AZU1: variants seen among roughly 807,000 people sequenced by gnomAD.
AZU1 encodes azurocidin 1.
A neutral mutation model predicts 17.8 loss-of-function variants in AZU1; 21 were observed. The ratio of observed to expected loss-of-function variants is 1.18; its 90% CI spans 0.84 to 1.70. The LOEUF is 1.70. AZU1 is among the 40% of genes most tolerant of loss of function. The probability of loss-of-function intolerance (pLI) is 0.00; values close to 1 mark genes in which losing one functional copy is unlikely to be tolerated. For missense variants in AZU1, 379 were observed against 362.9 expected, an observed-to-expected ratio of 1.04 and a Z score of -0.36; for synonymous variants, 178 against 155.2, an observed-to-expected ratio of 1.15 and a Z score of -1.09.
chr19:828,802 A>G (rs1362705606), intron 2 of AZU1, among the ~76,000 whole-genome samples: 98 of 114,352 alleles, frequency 8.6e-4, no homozygotes, highest in Middle Eastern at 5.8e-3. Context: ...GGAGGCCCAG[A>G]GAAGGGAAGG....
At chr19:829,494 G>A in intron 2 of AZU1, 68 bp from the exon 3 acceptor site, 1 of 1,554,992 alleles carries the variant, frequency 6.4e-7, no homozygotes, top group South Asian at 1.1e-5. Context: ...TAATTTGCAA[G>A]CCGGCTTGCT....
At position 829,553 on chromosome 19, in the gene AZU1, T is replaced by C. The variant is rs763132909; in HGVS notation, c.216-9T>C. The C allele has an allele frequency of 3.7e-6, 6 of 1,611,830 alleles. No homozygotes were observed. Among genetic ancestry groups the C allele is most frequent in the African/African-American group, 2.7e-5 (2 of 74,890 alleles). ...GTCCTCCCTCTGCCCTTTCCTCCGCTACTCTCAGGAACCCCGGGGTTAGCA... is the reference window on the plus strand; with the variant it reads ...GTCCTCCCTCTGCCCTTTCCTCCGCCACTCTCAGGAACCCCGGGGTTAGCA... On this transcript the variant is annotated splice_polypyrimidine_tract_variant and intron_variant, in intron 2 of 4. Transcript: ENST00000233997.
Position 830,311 on chromosome 19 carries a change from C to T in AZU1, c.361-397C>T, listed in dbSNP as rs1020418810. 3.3e-5 allele frequency among the ~76,000 whole-genome samples: 5 copies of T among 152,258 alleles called. 1 individual carries two copies. The highest frequency in any genetic ancestry group is 2.6e-4 in the Admixed American group (4 of 15,292). On this transcript the variant is annotated intron_variant, in intron 3 of 4. Coordinates refer to ENST00000233997, the MANE Select transcript of AZU1 (RefSeq NM_001700.5). Reference sequence around the variant, plus strand: ...CAACACATACAGATGTACCACGGTTCGCGTATGGAGCCTCCTGTTGGTGGA... The same window carrying T: ...CAACACATACAGATGTACCACGGTTTGCGTATGGAGCCTCCTGTTGGTGGA...
rs1333414929 is a variant in AZU1, at chr19:830,726, C to A, written c.379C>A (p.Leu127Ile). ...TCCCCAGCTGGACCGTGAGGCCAAC[C>A]TCACCAGCAGCGTGACGATACTGCC... ...MLLQLDREAN[L>I]TSSVTILPLP... Residue 127 changes from leucine to isoleucine, a missense_variant, in exon 4 of 5, where the codon CTC (leucine) becomes ATC (isoleucine). Physicochemically the swap from Leu to Ile is conservative, Grantham distance 5 (BLOSUM62 2). Coordinates refer to ENST00000233997, the MANE Select transcript of AZU1 (RefSeq NM_001700.5). The A allele has an allele frequency of 6.3e-7, 1 of 1,578,544 alleles. No homozygotes were observed. The highest frequency in any genetic ancestry group is 8.6e-7 in the Non-Finnish European group (1 of 1,166,242).
intron 2 of AZU1, among the ~76,000 whole-genome samples, chr19:828,722 A>G (rs1366850695): frequency 4.8e-5 from 4 of 83,804 alleles, no homozygotes; most frequent in African/African-American, 9.6e-5. Flanking sequence ...GCTCAGATGG[A>G]GGAGGGGGCC....
chr19:829,936 A>ATGTGTGAGTGTGTG (rs2035266613), intron 3 of AZU1, among the ~76,000 whole-genome samples: 1 of 137,766 alleles, frequency 7.3e-6, no homozygotes, highest in Non-Finnish European at 1.5e-5. Flanking sequence ...AAAAATATAT[A>ATGTGTGAGTGTGTG]TGTGTGTGTG....
intron 3 of AZU1, among the ~76,000 whole-genome samples, chr19:829,997 C>T (rs2035268401): frequency 6.7e-6 from 1 of 149,494 alleles, no homozygotes; most frequent in South Asian, 2.1e-4. Context: ...TGAGGTGGCT[C>T]ATGCCTGTAA....
chr19:831,363 C>T (rs1453460630), intron 4 of AZU1: 9 of 339,362 alleles, frequency 2.7e-5, no homozygotes, highest in Non-Finnish European at 4.3e-5. Context: ...CAGGCATGAG[C>T]CACCGTGCCT....
At chr19:830,403 TTTTC>T (rs2035273066) in intron 3 of AZU1, among the ~76,000 whole-genome samples, 1 of 152,206 alleles carries the variant, frequency 6.6e-6, no homozygotes, top group Non-Finnish European at 1.5e-5. Flanking sequence ...TGTTTGGTTT[TTTTC>T]TTTGAGAAAA....
chr19:830,772 C>G lies in AZU1; in HGVS notation c.425C>G (p.Thr142Arg), dbSNP rs147872987. The change falls in exon 4 of 5, where the codon ACG becomes AGG. Residue 142 changes from threonine to arginine, a missense_variant. Physicochemically the swap from Thr to Arg is moderately conservative, Grantham distance 71. Coordinates refer to ENST00000233997, the MANE Select transcript of AZU1 (RefSeq NM_001700.5). ...TILPLPLQNA[T>R]VEAGTRCQVA... ...CTGCCACTGCCTCTGCAGAACGCCA[C>G]GGTGGAAGCCGGCACCAGATGCCAG... 6.2e-7 allele frequency: 1 copy of G among 1,604,236 alleles called. No homozygotes were observed. Among genetic ancestry groups the G allele is most frequent in the African/African-American group, 1.3e-5 (1 of 75,050 alleles).
intron 3 of AZU1, 111 bp from the exon 4 acceptor site, chr19:830,597 G>A: frequency 2.0e-6 from 2 of 983,262 alleles, no homozygotes; most frequent in Middle Eastern, 2.2e-4. Context: ...GGAATTAAAC[G>A]CAAACCACTT....
chr19:831,983 C>A lies in AZU1; in HGVS notation c.*106C>A. ...CCTGCCCCCGCTCCGGCCAGAGGGGCCCTGGCTGTAATAAAGAAGCCGATC... is the reference window on the plus strand; with the variant it reads ...CCTGCCCCCGCTCCGGCCAGAGGGGACCTGGCTGTAATAAAGAAGCCGATC... On this transcript the variant is annotated 3_prime_UTR_variant, in exon 5 of 5. Transcript: ENST00000233997. The A allele has an allele frequency of 7.4e-7, 1 of 1,351,126 alleles. No individual in the cohort carries two copies. Among genetic ancestry groups the A allele is most frequent in the Non-Finnish European group, 1.0e-6 (1 of 993,338 alleles). 83.7% of individuals were successfully genotyped at this position (1,351,126 alleles called of 1,614,324 possible). A position where few individuals can be genotyped will look rare whatever the true frequency, so the allele number is the denominator to read the frequency against.
At position 829,610 on chromosome 19, in the gene AZU1, G is replaced by A. The variant is rs775813359; in HGVS notation, c.264G>A (p.Arg88=). ...TGCTGGGTGCCTATGACCTGAGGCGGCGGGAGAGGCAGTCCCGCCAGACGT... is the reference window on the plus strand; with the variant it reads ...TGCTGGGTGCCTATGACCTGAGGCGACGGGAGAGGCAGTCCCGCCAGACGT... ...TVVLGAYDLR[R]RERQSRQTFS... The change falls in exon 3 of 5, where the codon CGG becomes CGA. Residue 88 remains arginine (R), a synonymous_variant. Transcript: ENST00000233997. 1.9e-6 allele frequency: 3 copies of A among 1,613,208 alleles called. No individual in the cohort carries two copies. Among genetic ancestry groups the A allele is most frequent in the African/African-American group, 1.3e-5 (1 of 74,884 alleles).
Position 827,858 on chromosome 19 carries a change from G to A in AZU1, c.12G>A (p.Leu4=). 6.5e-7 allele frequency: 1 copy of A among 1,536,756 alleles called. No homozygotes were observed. Among genetic ancestry groups the A allele is most frequent in the East Asian group, 2.4e-5 (1 of 40,970 alleles). Residue 4 remains leucine (L), a synonymous_variant, in exon 1 of 5, where the codon CTG becomes CTA. Coordinates refer to ENST00000233997, the MANE Select transcript of AZU1 (RefSeq NM_001700.5). MTR[L]TVLALLAGLL... is the part of the protein sequence containing the mutation. ...AGACCTGCCCCGCCATGACCCGGCT[G>A]ACAGTCCTGGCCCTGCTGGCTGGTC...
In AZU1 at chr19:828,241, C is replaced by G; in HGVS notation, c.70C>G (p.Leu24Val). 6.2e-7 allele frequency: 1 copy of G among 1,606,750 alleles called. No individual in the cohort carries two copies. The highest frequency in any genetic ancestry group is 8.5e-7 in the Non-Finnish European group (1 of 1,178,002). Residue 24 changes from leucine (L) to valine (V), a missense_variant, in exon 2 of 5, where the codon CTT (leucine) becomes GTT (valine). Physicochemically the swap from Leu to Val is conservative, Grantham distance 32. Transcript: ENST00000233997. Reference sequence around the variant, plus strand: ...TCCCCCCGACCCAGGCTCCAGCCCCCTTTTGGACATCGTTGGCGGCCGGAA... The same window carrying G: ...TCCCCCCGACCCAGGCTCCAGCCCCGTTTTGGACATCGTTGGCGGCCGGAA... ...LASSRAGSSP[L>V]LDIVGGRKAR...
intron 2 of AZU1, among the ~76,000 whole-genome samples, chr19:829,139 AAGGGGG>A: frequency 3.2e-5 from 2 of 61,984 alleles, no homozygotes; most frequent in Non-Finnish European, 6.1e-5. Flanking sequence ...CAGAGAAGGG[AAGGGGG>A]TCAGATGGGG....
chr19:828,258 CG>C lies in AZU1; in HGVS notation c.89del (p.Gly30AlafsTer27). 1 of 1,608,618 alleles carries C rather than the reference CG, an allele frequency of 6.2e-7. No individual in the cohort carries two copies. Among genetic ancestry groups the C allele is most frequent in the Non-Finnish European group, 8.5e-7 (1 of 1,178,680 alleles). On this transcript the variant is annotated frameshift_variant, in exon 2 of 5. Transcript: ENST00000233997. LOFTEE classifies it high-confidence loss of function. The part of the protein sequence containing the change: ...GSSPLLDIVG[G>X]RKARPRQFPF... ...CCAGCCCCCTTTTGGACATCGTTGG[CG>C]GCCGGAAGGCGAGGCCCCGCCAGTT...
At chr19:828,767 A>G (rs2035246569) in intron 2 of AZU1, among the ~76,000 whole-genome samples, 1 of 95,096 alleles carries the variant, frequency 1.1e-5, no homozygotes, top group Non-Finnish European at 2.1e-5. Flanking sequence ...GAGGAGGTGC[A>G]GAGAAGGGAA....
chr19:830,877 A>C lies in AZU1; in HGVS notation c.530A>C (p.Glu177Ala), dbSNP rs2035279859. 6.2e-7 allele frequency: 1 copy of C among 1,606,688 alleles called. No individual in the cohort carries two copies. Among genetic ancestry groups the C allele is most frequent in the Non-Finnish European group, 8.5e-7 (1 of 1,179,978 alleles). Residue 177 changes from glutamate (E) to alanine (A), a missense_variant, in exon 4 of 5, where the codon GAG becomes GCG. By Grantham distance (107) the Glu-to-Ala change is moderately radical (BLOSUM62 -1). Transcript: ENST00000233997. ...TTTGTCAACGTGACTGTGACCCCCG[A>C]GGACCAGTGTCGCCCCAACAACGTG... Reference protein sequence around the residue: ...PRFVNVTVTPEDQCRPNNVCT... With the variant: ...PRFVNVTVTPADQCRPNNVCT...
Sources: allele counts gnomAD v4.1 joint callset (sites outside exome capture counted in the v4.1 genomes callset), GRCh38; gene constraint gnomAD v4.1.1; transcripts MANE v1.5; gene names NCBI Gene and HGNC (gene_info 2026-07-23, HGNC 2026-07-21).